Variants in ATG10 observed in about 807,000 individuals in gnomAD.
The protein encoded by ATG10 is autophagy related 10.
In ATG10, 30 loss-of-function variants were observed where a neutral mutation model predicts 32.1. The observed-to-expected ratio is 0.94, with a 90% CI of 0.70 to 1.27. The LOEUF is 1.27. Among genes scored for constraint, ATG10 ranks in the 50% most tolerant of loss-of-function variants. The pLI, the probability that ATG10 is intolerant of heterozygous loss-of-function variation, is 0.00. For synonymous variants in ATG10, 87 were observed against 91.5 expected, an observed-to-expected ratio of 0.95 and a Z score of 0.28; for missense variants, 233 against 262.3, an observed-to-expected ratio of 0.89 and a Z score of 0.77.
chr5:81,996,409 T>A (rs546064461), intron 2 of ATG10, among the ~76,000 whole-genome samples: 4 of 152,274 alleles, frequency 2.6e-5, no homozygotes, highest in African/African-American at 9.6e-5. Flanking sequence ...TGGCTATTTT[T>A]AAATTTTTTT....
intron 1 of ATG10, among the ~76,000 whole-genome samples, chr5:81,981,777 C>T (rs577010360): frequency 1.3e-5 from 2 of 152,074 alleles, no homozygotes; most frequent in East Asian, 3.9e-4. Context: ...CCAACTAAAA[C>T]AATAACAAAG....
intron 5 of ATG10, among the ~76,000 whole-genome samples, chr5:82,225,164 A>G (rs1028077588): frequency 2.0e-5 from 3 of 152,204 alleles, no homozygotes; most frequent in Non-Finnish European, 1.5e-5. Flanking sequence ...TTCAAATTTT[A>G]TGGGTATTTC....
chr5:82,028,522 T>C (rs568188102), intron 2 of ATG10, among the ~76,000 whole-genome samples: 2 of 152,288 alleles, frequency 1.3e-5, no homozygotes, highest in East Asian at 3.9e-4. Context: ...AATGTTTTAT[T>C]GACAGAGAAA....
Position 82,224,689 on chromosome 5 carries a change from G to A in ATG10, c.454-27873G>A, listed in dbSNP as rs553904894. Among the ~76,000 whole-genome samples, 8 of 152,270 alleles carry A rather than the reference G, an allele frequency of 5.3e-5. No homozygotes were observed. The East Asian group carries it at 1.4e-3, about 26-fold the overall frequency. On this transcript the variant is annotated intron_variant, in intron 5 of 7. Coordinates refer to ENST00000282185, the MANE Select transcript of ATG10 (RefSeq NM_031482.5). The stretch of plus-strand genomic sequence containing the variant: ...ATAGAGTGAAAGGAGGGTGTTTAAA[G>A]GAAAGCTGTGCTGGAGGAATACTGA...
intron 5 of ATG10, among the ~76,000 whole-genome samples, chr5:82,195,105 G>A (rs1561350917): frequency 6.6e-6 from 1 of 152,146 alleles, no homozygotes; most frequent in Non-Finnish European, 1.5e-5. Context: ...GTAACCTAGT[G>A]TTGACCCTGC....
intron 2 of ATG10, among the ~76,000 whole-genome samples, chr5:81,993,396 T>TCTTA (rs1457131341): frequency 7.7e-6 from 1 of 130,302 alleles, no homozygotes; most frequent in Non-Finnish European, 1.6e-5. Context: ...TTCTTTTTTT[T>TCTTA]TCTTTTCTTT....
intron 5 of ATG10, among the ~76,000 whole-genome samples, chr5:82,187,881 C>G (rs1744515801): frequency 6.6e-6 from 1 of 152,284 alleles, no homozygotes; most frequent in Middle Eastern, 3.4e-3. Flanking sequence ...AGCCACCACA[C>G]CTGGCCAATG....
At chr5:82,240,197 A>G (rs573937735) in intron 5 of ATG10, among the ~76,000 whole-genome samples, 2 of 152,340 alleles carry the variant, frequency 1.3e-5, no homozygotes, top group East Asian at 1.9e-4. Flanking sequence ...GGAAATCAGC[A>G]TGTGAAAGAG....
intron 3 of ATG10, among the ~76,000 whole-genome samples, chr5:82,084,350 G>T (rs562435123): frequency 6.6e-6 from 1 of 152,152 alleles, no homozygotes. Context: ...CCAAATCTAC[G>T]TCTGATTGGT....
At chr5:81,984,454 A>G (rs948423513) in intron 1 of ATG10, among the ~76,000 whole-genome samples, 1 of 152,200 alleles carries the variant, frequency 6.6e-6, no homozygotes, top group African/African-American at 2.4e-5. Context: ...CGAGAGATTC[A>G]TTGTTTAGGA....
chr5:82,037,060 G>C (rs1387326534), intron 2 of ATG10, among the ~76,000 whole-genome samples: 3 of 140,574 alleles, frequency 2.1e-5, no homozygotes, highest in Non-Finnish European at 4.6e-5. Context: ...GAACCAGGGA[G>C]TCGGAGGTTC....
intron 3 of ATG10, among the ~76,000 whole-genome samples, chr5:82,145,440 G>A (rs1397728024): frequency 6.6e-6 from 1 of 151,436 alleles, no homozygotes; most frequent in Non-Finnish European, 1.5e-5. Context: ...GATTAATTTG[G>A]TAATTAAGAT....
chr5:82,098,307 G>GT (rs1561297245), intron 3 of ATG10, among the ~76,000 whole-genome samples: 29 of 141,186 alleles, frequency 2.1e-4, no homozygotes, highest in African/African-American at 6.2e-4. Flanking sequence ...ATTGTTGTTG[G>GT]GTTTTTTTTT....
intron 4 of ATG10, among the ~76,000 whole-genome samples, chr5:82,173,651 A>C (rs1398351595): frequency 6.6e-6 from 1 of 152,178 alleles, no homozygotes; most frequent in Non-Finnish European, 1.5e-5. Context: ...AGTATTCAAG[A>C]GATTTTACTG....
intron 3 of ATG10, chr5:82,147,230 G>A (rs563564395): frequency 2.1e-4 from 49 of 232,846 alleles, no homozygotes; most frequent in Admixed American, 2.0e-3. Flanking sequence ...GTGCAGTTGC[G>A]TGATCTCAGC....
At chr5:82,233,252 T>G (rs796381076) in intron 5 of ATG10, among the ~76,000 whole-genome samples, 6 of 152,312 alleles carry the variant, frequency 3.9e-5, no homozygotes, top group African/African-American at 1.4e-4. Context: ...ATGTTATACC[T>G]GACTGAACCT....
chr5:82,127,790 A>G lies in ATG10; in HGVS notation c.217-36609A>G, dbSNP rs569169859. ...GGGGTGGAGAGTTCTGTAGGTGTCT[A>G]TTAGGTCCACTTGGTCCAGAGCCGA... is the stretch of plus-strand genomic sequence containing the variant. On this transcript the variant is annotated intron_variant, in intron 3 of 7. Coordinates refer to ENST00000282185, the MANE Select transcript of ATG10 (RefSeq NM_031482.5). Among the ~76,000 whole-genome samples, 3 of 152,242 alleles carry G rather than the reference A, an allele frequency of 2.0e-5. No individual in the cohort carries two copies. In the East Asian group the frequency reaches 5.8e-4, roughly 30 times the overall value.
intron 1 of ATG10, among the ~76,000 whole-genome samples, chr5:81,978,593 T>A (rs1359223092): frequency 6.6e-6 from 1 of 152,198 alleles, no homozygotes; most frequent in South Asian, 2.1e-4. Context: ...TAAAAAATTA[T>A]CTTTTGATAA....
At chr5:82,109,294 C>T (rs541646520) in intron 3 of ATG10, among the ~76,000 whole-genome samples, 6 of 152,112 alleles carry the variant, frequency 3.9e-5, no homozygotes, top group African/African-American at 1.4e-4. Flanking sequence ...AGTATGGGAA[C>T]TGAGGAGAGG....
Sources: allele counts gnomAD v4.1 joint callset (sites outside exome capture counted in the v4.1 genomes callset), GRCh38; gene constraint gnomAD v4.1.1; transcripts MANE v1.5; gene names NCBI Gene and HGNC (gene_info 2026-07-23, HGNC 2026-07-21).